Variants in RNLS observed in about 807,000 individuals in gnomAD.
RNLS encodes renalase.
In RNLS, 39 loss-of-function variants were observed where a neutral mutation model predicts 39.8. The ratio of observed to expected loss-of-function variants is 0.98; its 90% CI spans 0.76 to 1.28. The LOEUF is 1.28. Ranked by LOEUF, RNLS falls within the 50% of genes most tolerant of loss-of-function variation. The pLI, the probability that RNLS is intolerant of heterozygous loss-of-function variation, is 0.00. For missense variants in RNLS, 410 were observed against 413.3 expected (o/e 0.99, Z 0.07); for synonymous variants, 147 against 150.7 (o/e 0.98, Z 0.18).
In RNLS at chr10:88,467,267, C is replaced by G. The variant is rs558024058; in HGVS notation, c.527-104542G>C. On this transcript the variant is annotated intron_variant, in intron 4 of 6. Transcript: ENST00000331772. ...AGTTTTTTTCAAAAAAGTCCAGGCT[C>G]TACACTGGTGTTGTGTGGGAAATTA... Among the ~76,000 whole-genome samples the G allele has an allele frequency of 4.6e-5, 7 of 151,752 alleles. No individual in the cohort carries two copies. In the East Asian group the frequency reaches 1.4e-3, roughly 29 times the overall value.
intron 4 of RNLS, among the ~76,000 whole-genome samples, chr10:88,484,978 C>T (rs532554068): frequency 4.1e-4 from 63 of 152,036 alleles, no homozygotes; most frequent in African/African-American, 1.5e-3. Context: ...TATCCTTAAG[C>T]ATCTCATGTT....
At chr10:88,177,886 C>A in the RNLS span, among the ~76,000 whole-genome samples, 12,691 of 152,172 alleles carry the variant, frequency 0.083, 550 homozygotes, top group Middle Eastern at 0.11. Context: ...GTGGCTGTGG[C>A]ATGGTTTTGT....
the RNLS span, among the ~76,000 whole-genome samples, chr10:88,237,228 CCCTCCCTCCCTCCCTT>C: frequency 8.9e-6 from 1 of 112,654 alleles, no homozygotes; most frequent in Admixed American, 9.5e-5. Flanking sequence ...GTCCCTCCCT[CCCTCCCTCCCTCCCTT>C]CCTTCCTTCC....
chr10:88,172,842 G>GTTTTTTTGT, the RNLS span, among the ~76,000 whole-genome samples: 7 of 43,782 alleles, frequency 1.6e-4, no homozygotes, highest in African/African-American at 2.3e-4. Context: ...ATTTTGAGTT[G>GTTTTTTTGT]TTTTTTTTTT....
chr10:88,399,393 A>G lies in RNLS; in HGVS notation c.527-36668T>C, dbSNP rs992068037. Among the ~76,000 whole-genome samples, 5 of 152,088 alleles carry G rather than the reference A, an allele frequency of 3.3e-5. No individual in the cohort carries two copies. In the East Asian group the frequency reaches 7.7e-4, roughly 23 times the overall value. Reference sequence around the variant, plus strand: ...AAAAGTTGAAGCAACCCAAATGTGCATTAATTGATGAATGGATAAACAATT... The same window carrying G: ...AAAAGTTGAAGCAACCCAAATGTGCGTTAATTGATGAATGGATAAACAATT... On this transcript the variant is annotated intron_variant, in intron 4 of 6. Coordinates refer to ENST00000331772, the MANE Select transcript of RNLS (RefSeq NM_001031709.3).
At chr10:88,239,009 G>C in the RNLS span, among the ~76,000 whole-genome samples, 2 of 151,994 alleles carry the variant, frequency 1.3e-5, no homozygotes, top group Non-Finnish European at 2.9e-5. Context: ...TTCTGAACTA[G>C]AGCCTCTGAA....
intron 4 of RNLS, among the ~76,000 whole-genome samples, chr10:88,378,684 A>G (rs983938935): frequency 1.2e-4 from 19 of 152,202 alleles, no homozygotes; most frequent in African/African-American, 4.6e-4. Flanking sequence ...CACTCAGTCT[A>G]TTAGCATTAG....
intron 4 of RNLS, among the ~76,000 whole-genome samples, chr10:88,440,664 AG>A (rs796775727): frequency 5.3e-5 from 8 of 152,306 alleles, no homozygotes; most frequent in African/African-American, 1.9e-4. Context: ...GGTAGCAATG[AG>A]GACTACACAC....
the RNLS span, among the ~76,000 whole-genome samples, chr10:88,205,423 C>T: frequency 4.6e-5 from 7 of 152,156 alleles, no homozygotes; most frequent in South Asian, 1.0e-3. Flanking sequence ...CAACAGACCC[C>T]ATGTTGTTAT....
the RNLS span, among the ~76,000 whole-genome samples, chr10:88,248,576 A>T: frequency 1.3e-5 from 2 of 152,192 alleles, no homozygotes; most frequent in Non-Finnish European, 2.9e-5. Flanking sequence ...GATGCTATGG[A>T]TAATTTTTCA....
chr10:88,278,608 A>G (rs1842897942), intron 6 of RNLS, among the ~76,000 whole-genome samples: 1 of 152,144 alleles, frequency 6.6e-6, no homozygotes, highest in East Asian at 1.9e-4. Flanking sequence ...TAGCACACAC[A>G]TGTGCATACA....
intron 5 of RNLS, among the ~76,000 whole-genome samples, chr10:88,355,844 C>T (rs1165624319): frequency 6.6e-6 from 1 of 152,236 alleles, no homozygotes; most frequent in African/African-American, 2.4e-5. Flanking sequence ...CCTCCTTGAG[C>T]TGCGGTGGGC....
rs146462050 is a variant in RNLS at position 88,549,696 on chromosome 10, G to A, written c.526+23207C>T. Among the ~76,000 whole-genome samples, 293 of 152,286 alleles carry A rather than the reference G, an allele frequency of 1.9e-3. 2 individuals are homozygous for A. The highest frequency in any genetic ancestry group is 6.7e-3 in the African/African-American group (280 of 41,552). ...AAACTATAAAGCCAGTATTACAGCC[G>A]ACTGATCAGTTAATTTACACTATCA... On this transcript the variant is annotated intron_variant, in intron 4 of 6. Transcript: ENST00000331772.
intron 4 of RNLS, among the ~76,000 whole-genome samples, chr10:88,488,579 AC>A (rs1844699318): frequency 1.3e-5 from 2 of 151,114 alleles, no homozygotes; most frequent in South Asian, 4.2e-4. Context: ...ATCGGAAATT[AC>A]CTTAAAAACT....
chr10:88,453,312 A>T (rs899343249), intron 4 of RNLS, among the ~76,000 whole-genome samples: 1 of 152,208 alleles, frequency 6.6e-6, no homozygotes, highest in Non-Finnish European at 1.5e-5. Context: ...GCTCAAGAAA[A>T]CCGCCTTACC....
the RNLS span, among the ~76,000 whole-genome samples, chr10:88,241,885 A>T: frequency 6.6e-5 from 10 of 151,984 alleles, no homozygotes; most frequent in Non-Finnish European, 1.3e-4. Context: ...TTTAAATTCC[A>T]CCTCAAGTTT....
intron 5 of RNLS, among the ~76,000 whole-genome samples, chr10:88,346,314 C>A (rs1295395186): frequency 1.3e-5 from 2 of 152,112 alleles, no homozygotes; most frequent in Non-Finnish European, 2.9e-5. Context: ...GATGTATACT[C>A]CTCAGAGACC....
the RNLS span, among the ~76,000 whole-genome samples, chr10:88,211,994 G>A: frequency 6.6e-6 from 1 of 152,194 alleles, no homozygotes; most frequent in Non-Finnish European, 1.5e-5. Context: ...ATCTTTAAAT[G>A]TCAGTCTATC....
chr10:88,483,892 A>T (rs138685139), intron 4 of RNLS, among the ~76,000 whole-genome samples: 25 of 152,250 alleles, frequency 1.6e-4, no homozygotes, highest in African/African-American at 5.1e-4. Flanking sequence ...AATTTTGAAA[A>T]TTATTTAGTG....
Sources: allele counts gnomAD v4.1 joint callset (sites outside exome capture counted in the v4.1 genomes callset), GRCh38; gene constraint gnomAD v4.1.1; transcripts MANE v1.5; gene names NCBI Gene and HGNC (gene_info 2026-07-23, HGNC 2026-07-21).